Variants in DENND1A observed in about 807,000 individuals in gnomAD.
The protein encoded by DENND1A is DENN domain-containing protein 1A.
DENND1A carries 51 observed loss-of-function variants against 113.7 expected under a neutral mutation model. That is an observed-to-expected ratio of 0.45 (90% confidence interval 0.36 to 0.57). DENND1A has a LOEUF of 0.57. Among genes scored for constraint, DENND1A ranks in the 20% least tolerant of loss-of-function variants. DENND1A has a pLI of 0.00. For missense variants in DENND1A, 1,258 were observed against 1,395.9 expected, an observed-to-expected ratio of 0.90 and a Z score of 1.57; for synonymous variants, 565 against 570.8, an observed-to-expected ratio of 0.99 and a Z score of 0.14.
At chr9:123,888,407 A>T (rs777232132) in intron 1 of DENND1A, among the ~76,000 whole-genome samples, 11 of 152,258 alleles carry the variant, frequency 7.2e-5, no homozygotes, top group Admixed American at 2.6e-4. Context: ...TGGTATATTT[A>T]CACAGTTTCA....
intron 19 of DENND1A, among the ~76,000 whole-genome samples, chr9:123,415,802 G>A (rs866417798): frequency 6.6e-6 from 1 of 152,192 alleles, no homozygotes; most frequent in South Asian, 2.1e-4. Context: ...CAGTGGACAC[G>A]CTGCTGGGGA....
At chr9:123,551,628 C>T (rs1424358838) in intron 13 of DENND1A, among the ~76,000 whole-genome samples, 1 of 152,162 alleles carries the variant, frequency 6.6e-6, no homozygotes, top group East Asian at 1.9e-4. Context: ...GGAAGCAACT[C>T]GGAGTTGAAC....
intron 13 of DENND1A, among the ~76,000 whole-genome samples, chr9:123,473,798 G>A (rs567344613): frequency 6.6e-6 from 1 of 152,018 alleles, no homozygotes; most frequent in East Asian, 1.9e-4. Context: ...TCCACTAAAA[G>A]TCCCTAAATC....
chr9:123,704,220 G>A (rs2066048011), intron 5 of DENND1A, among the ~76,000 whole-genome samples: 1 of 151,974 alleles, frequency 6.6e-6, no homozygotes, highest in African/African-American at 2.4e-5. Flanking sequence ...GAAGCTCTTT[G>A]CCAAACCATG....
chr9:123,381,911 G>C lies in DENND1A; in HGVS notation c.2734C>G (p.Pro912Ala). Residue 912 changes from proline (P) to alanine (A), a missense_variant, in exon 24 of 24, where the codon CCA (proline) becomes GCA (alanine). This residue lies in a region of DENND1A where 1,159 missense variants were observed against 1,231.7 expected (regional missense o/e 0.94). Coordinates refer to ENST00000394215, the MANE Select transcript of DENND1A (RefSeq NM_001352964.2). This position sits in a 1 kb window ranked among gnomAD's most constrained non-coding sequence, Gnocchi z 4.7. ...APPTLPLVSTPAGPFGAPPAS... is the reference protein window; with the variant it reads ...APPTLPLVSTAAGPFGAPPAS... ...GGAGGGGCCCCGAAAGGCCCGGCTGGTGTGGAGACCAGGGGCAGGGTGGGT... is the reference window on the plus strand; with the variant it reads ...GGAGGGGCCCCGAAAGGCCCGGCTGCTGTGGAGACCAGGGGCAGGGTGGGT... 7.0e-6 allele frequency: 10 copies of C among 1,430,862 alleles called. No homozygotes were observed. The highest frequency in any genetic ancestry group is 8.3e-6 in the Non-Finnish European group (9 of 1,083,612). 88.6% of individuals were successfully genotyped at this position (1,430,862 alleles called of 1,614,324 possible).
intron 5 of DENND1A, among the ~76,000 whole-genome samples, chr9:123,733,110 T>C (rs541681206): frequency 1.3e-5 from 2 of 151,898 alleles, no homozygotes; most frequent in Admixed American, 6.5e-5. Context: ...GCCTCCCAAG[T>C]AGCTGGGATT....
intron 13 of DENND1A, among the ~76,000 whole-genome samples, chr9:123,514,496 G>A (rs2053732461): frequency 6.6e-6 from 1 of 152,152 alleles, no homozygotes; most frequent in Admixed American, 6.5e-5. Flanking sequence ...AACCTCGGAT[G>A]TCAGAGTCAG....
intron 11 of DENND1A, among the ~76,000 whole-genome samples, chr9:123,607,372 T>C (rs564538291): frequency 7.6e-4 from 114 of 149,300 alleles, no homozygotes; most frequent in Admixed American, 1.4e-3. Context: ...CATTCAGCCA[T>C]GATCAGTGTG....
intron 3 of DENND1A, among the ~76,000 whole-genome samples, chr9:123,781,675 A>G (rs1340298144): frequency 6.6e-6 from 1 of 152,222 alleles, no homozygotes; most frequent in Non-Finnish European, 1.5e-5. Context: ...AAAAAGATGA[A>G]GCCAAAAAAT....
At chr9:123,919,746 G>T (rs1855879701) in intron 1 of DENND1A, among the ~76,000 whole-genome samples, 1 of 151,840 alleles carries the variant, frequency 6.6e-6, no homozygotes, top group Admixed American at 6.6e-5. Flanking sequence ...GCCAGGCATG[G>T]TGGTGCACAC....
At chr9:123,711,486 AAT>A (rs57675116) in intron 5 of DENND1A, among the ~76,000 whole-genome samples, 29,780 of 101,510 alleles carry the variant, frequency 0.29, 4,246 homozygotes, top group African/African-American at 0.49. Flanking sequence ...TAAATTAAAA[AAT>A]ATATATATAT....
chr9:123,749,421 T>C (rs935372389), intron 5 of DENND1A, among the ~76,000 whole-genome samples: 1 of 152,136 alleles, frequency 6.6e-6, no homozygotes, highest in Non-Finnish European at 1.5e-5. Flanking sequence ...CAGTTGAGAG[T>C]ATAAATTTTG....
At chr9:123,554,655 C>T (rs908140022) in intron 13 of DENND1A, among the ~76,000 whole-genome samples, 2 of 152,166 alleles carry the variant, frequency 1.3e-5, no homozygotes, top group African/African-American at 2.4e-5. Flanking sequence ...TTCAGATGAA[C>T]AGGATTGAAA....
chr9:123,836,306 T>C (rs750192701), intron 2 of DENND1A, among the ~76,000 whole-genome samples: 35 of 152,256 alleles, frequency 2.3e-4, no homozygotes, highest in Middle Eastern at 6.8e-3. Context: ...TGGGCAATAA[T>C]ACCCCTGGGC....
At chr9:123,832,552 T>C (rs1840386309) in intron 2 of DENND1A, among the ~76,000 whole-genome samples, 2 of 152,176 alleles carry the variant, frequency 1.3e-5, no homozygotes. Flanking sequence ...AAACACCAGA[T>C]ATATTTACTA....
chr9:123,513,509 C>G (rs950716585), intron 13 of DENND1A, among the ~76,000 whole-genome samples: 1 of 152,220 alleles, frequency 6.6e-6, no homozygotes, highest in Non-Finnish European at 1.5e-5. Context: ...ACATCTTTCC[C>G]TGGTTGCTAA....
chr9:123,874,352 G>C (rs1373947458), intron 2 of DENND1A, among the ~76,000 whole-genome samples: 1 of 152,106 alleles, frequency 6.6e-6, no homozygotes, highest in Admixed American at 6.5e-5. Context: ...CATATAACCA[G>C]ATAATTAATA....
intron 5 of DENND1A, among the ~76,000 whole-genome samples, chr9:123,738,444 T>TGTGTGTGA: frequency 2.1e-5 from 1 of 47,758 alleles, no homozygotes; most frequent in African/African-American, 2.1e-4. Flanking sequence ...CAACAGCTTC[T>TGTGTGTGA]GTGTGTGTGT....
At position 123,612,607 on chromosome 9, in the gene DENND1A, T is replaced by C. The variant is rs971065073; in HGVS notation, c.720-3126A>G. Among the ~76,000 whole-genome samples, 6 of 152,354 alleles carry C rather than the reference T, an allele frequency of 3.9e-5. No individual in the cohort carries two copies. The South Asian group carries it at 1.2e-3, about 32-fold the overall frequency. ...ATTTTTGTGATTATTAAAGACTGCA[T>C]AATATTCCACCAAATATGGATGTAT... On this transcript the variant is annotated intron_variant, in intron 10 of 23. Coordinates refer to ENST00000394215, the MANE Select transcript of DENND1A (RefSeq NM_001352964.2).
Sources: allele counts gnomAD v4.1 joint callset (sites outside exome capture counted in the v4.1 genomes callset), GRCh38; gene constraint gnomAD v4.1.1; regional missense constraint gnomAD v4.1.1; non-coding constraint Gnocchi (gnomAD v3.1); transcripts MANE v1.5; gene names NCBI Gene and HGNC (gene_info 2026-07-23, HGNC 2026-07-21).